FGD5: variants seen among roughly 807,000 people sequenced by gnomAD.
FGD5 encodes FYVE, RhoGEF and PH domain-containing protein 5.
Under a neutral mutation model 133.4 loss-of-function variants are expected in FGD5, and 28 were observed. The ratio of observed to expected loss-of-function variants is 0.21; its 90% CI spans 0.16 to 0.29. FGD5 has a LOEUF of 0.29. Among genes scored for constraint, FGD5 ranks in the 10% least tolerant of loss-of-function variants. The probability of loss-of-function intolerance (pLI) is 1.00; values close to 1 mark genes in which losing one functional copy is unlikely to be tolerated. For synonymous variants in FGD5, 810 were observed against 776.5 expected (o/e 1.04, Z -0.72); for missense variants, 1,858 against 1,895.2 (o/e 0.98, Z 0.36).
At chr3:14,857,822 T>G (rs929759482) in intron 1 of FGD5, among the ~76,000 whole-genome samples, 4 of 152,192 alleles carry the variant, frequency 2.6e-5, no homozygotes, top group African/African-American at 7.2e-5. Context: ...TAATATCTAA[T>G]GAGGACCTTC....
chr3:14,910,275 A>G (rs1406999366), intron 10 of FGD5, among the ~76,000 whole-genome samples: 1 of 152,170 alleles, frequency 6.6e-6, no homozygotes, highest in East Asian at 1.9e-4. Context: ...ATTAACCATC[A>G]CAAGTCCAAC....
chr3:14,878,506 A>G (rs2037762842), intron 2 of FGD5, among the ~76,000 whole-genome samples: 2 of 152,194 alleles, frequency 1.3e-5, no homozygotes, highest in Non-Finnish European at 2.9e-5. Flanking sequence ...AATGATGGCC[A>G]ATAATTCCAT....
intron 2 of FGD5, among the ~76,000 whole-genome samples, chr3:14,876,796 CGAA>C (rs2037728256): frequency 6.6e-6 from 1 of 152,176 alleles, no homozygotes; most frequent in Non-Finnish European, 1.5e-5. Context: ...CTGATGTCCT[CGAA>C]GGAGGCTGAG....
At chr3:14,897,234 C>T in intron 4 of FGD5, 1 of 408,702 alleles carries the variant, frequency 2.4e-6, no homozygotes, top group Non-Finnish European at 4.3e-6. Context: ...CACGTGGCCA[C>T]AACGAGAGGA....
chr3:14,896,022 A>G (rs937803167), intron 4 of FGD5, among the ~76,000 whole-genome samples: 1 of 152,228 alleles, frequency 6.6e-6, no homozygotes, highest in Non-Finnish European at 1.5e-5. Context: ...CAAGAAAGCA[A>G]TCCCATTTAT....
rs1334349435 is a variant in FGD5 at position 14,934,417 on chromosome 3, T to C, written c.*1250T>C. 1 of 152,136 alleles carries C rather than the reference T, an allele frequency of 6.6e-6. No homozygotes were observed. The highest frequency in any genetic ancestry group is 2.4e-5 in the African/African-American group (1 of 41,426). The allele number at this position is 152,136 out of a possible 1,614,324, so 9.4% of individuals were successfully genotyped here. On this transcript the variant is annotated 3_prime_UTR_variant, in exon 20 of 20. Transcript: ENST00000285046. Reference sequence around the variant, plus strand: ...CTGTCCCCATTCTGTTGCTGCCCTGTCCCCTACAAAAAAGGGAATTTGCTG... The same window carrying C: ...CTGTCCCCATTCTGTTGCTGCCCTGCCCCCTACAAAAAAGGGAATTTGCTG...
At chr3:14,875,218 C>T (rs1345196373) in intron 2 of FGD5, among the ~76,000 whole-genome samples, 1 of 152,214 alleles carries the variant, frequency 6.6e-6, no homozygotes, top group Non-Finnish European at 1.5e-5. Context: ...CTGGCCCCTT[C>T]ATTGGGACCC....
rs535449756 is a variant in FGD5 at position 14,821,258 on chromosome 3, G to T, written c.2187G>T (p.Lys729Asn). The T allele has an allele frequency of 1.2e-6, 2 of 1,613,924 alleles. No homozygotes were observed. The highest frequency in any genetic ancestry group is 2.2e-5 in the South Asian group (2 of 91,082). The stretch of plus-strand genomic sequence containing the variant: ...CCCTCATCTTTTATAGAGATGGCAA[G>T]AGGAAAGGTGTCCCCTTCAGCAGGA... ...PSSLIFYRDG[K>N]RKGVPFSRTV... Residue 729 changes from lysine (K) to asparagine (N), a missense_variant, in exon 1 of 20, where the codon AAG becomes AAT. By Grantham distance (94) the Lys-to-Asn change is moderately conservative. Coordinates refer to ENST00000285046, the MANE Select transcript of FGD5 (RefSeq NM_152536.4).
Position 14,922,452 on chromosome 3 carries a change from C to T in FGD5, c.3711C>T (p.Pro1237=). 3 of 1,571,602 alleles carry T rather than the reference C, an allele frequency of 1.9e-6. No homozygotes were observed. The South Asian group carries it at 3.5e-5, about 18-fold the overall frequency. Residue 1237 remains proline (P), a synonymous_variant, in exon 15 of 20, where the codon CCC becomes CCT. Transcript: ENST00000285046. The surrounding 1 kb of genome is among the most constrained non-coding windows in gnomAD (Gnocchi z 4.1). ...GGGTTAGCCTTGGGGAGAGGCCCCC[C>T]ACCCTGGTGCCTGTCACACACGTCA... The part of the protein sequence containing the change: ...RLGVSLGERP[P]TLVPVTHVMM...
rs564450884 is a variant in FGD5 at position 14,810,876 on chromosome 3, C to T, written c.13+11C>T. ...AGATGAACAGAGCAGGTAGGAGGCC[C>T]GGCGACCTCCGGCGCCGAGGCACGA... On this transcript the variant is annotated intron_variant, in intron 1 of 1. Coordinates refer to the FGD5 transcript ENST00000640506. The T allele has an allele frequency of 9.0e-3, 8,818 of 985,124 alleles. 48 individuals are homozygous for T. Among genetic ancestry groups the T allele is most frequent in the Non-Finnish European group, 1.0e-2 (8,259 of 829,830 alleles). 61.0% of individuals were successfully genotyped at this position (985,124 alleles called of 1,614,324 possible). A position where few individuals can be genotyped will look rare whatever the true frequency, so the allele number is the denominator to read the frequency against.
In FGD5 at chr3:14,933,052, T is replaced by C. The variant is rs559262086; in HGVS notation, c.4353-79T>C. The C allele has an allele frequency of 6.1e-6, 9 of 1,479,582 alleles. No individual in the cohort carries two copies. The South Asian group carries it at 1.1e-4, about 17-fold the overall frequency. The allele number at this position is 1,479,582 out of a possible 1,614,324, so 91.7% of individuals were successfully genotyped here. On this transcript the variant is annotated intron_variant, in intron 19 of 19. Transcript: ENST00000285046. ...CTTCAAACTAAGAGGAATCTACTAG[T>C]CCAGTCTTTTCTAGGTTCTGTGACC...
intron 9 of FGD5, among the ~76,000 whole-genome samples, chr3:14,906,441 G>C (rs961106820): frequency 6.6e-6 from 1 of 152,236 alleles, no homozygotes; most frequent in Non-Finnish European, 1.5e-5. Context: ...CCCTAGAGGA[G>C]CAGACCTTTG....
chr3:14,873,662 G>A (rs957066462), intron 2 of FGD5, among the ~76,000 whole-genome samples: 2 of 152,098 alleles, frequency 1.3e-5, no homozygotes, highest in Admixed American at 1.3e-4. Context: ...GAGCTGAAAG[G>A]AGCATTTAGA....
At position 14,901,030 on chromosome 3, in the gene FGD5, C is replaced by T. The variant is rs368736589; in HGVS notation, c.3233C>T (p.Thr1078Ile). The T allele has an allele frequency of 2.0e-4, 325 of 1,613,930 alleles. No individual in the cohort carries two copies. The highest frequency in any genetic ancestry group is 2.7e-4 in the Non-Finnish European group (313 of 1,179,894). The change falls in exon 9 of 20, where the codon ACA becomes ATA. Residue 1078 changes from threonine to isoleucine, a missense_variant. Around this residue, in one of 3 missense-constraint regions of FGD5, gnomAD observed 1,824 missense variants for 1,848.9 expected, o/e 0.99. Transcript: ENST00000285046. ...GCACTGAGCCTCATCTCCAAAGTCACAGACCGTGCCAACGACAGCATGGAG... is the reference window on the plus strand; with the variant it reads ...GCACTGAGCCTCATCTCCAAAGTCATAGACCGTGCCAACGACAGCATGGAG... ...QGALSLISKV[T>I]DRANDSMEQG...
chr3:14,933,013 G>T, intron 19 of FGD5, 118 bp from the exon 20 acceptor site: 1 of 1,216,356 alleles, frequency 8.2e-7, no homozygotes, highest in South Asian at 1.3e-5. Flanking sequence ...ATACAATTAC[G>T]ACATGGTCCT....
At chr3:14,864,490 T>C (rs1437698467) in intron 2 of FGD5, among the ~76,000 whole-genome samples, 1 of 152,206 alleles carries the variant, frequency 6.6e-6, no homozygotes, top group African/African-American at 2.4e-5. Flanking sequence ...CTCTGGAGTC[T>C]GATGAAGTTT....
At chr3:14,900,042 A>C (rs1347426193) in intron 7 of FGD5, among the ~76,000 whole-genome samples, 1 of 152,166 alleles carries the variant, frequency 6.6e-6, no homozygotes, top group Admixed American at 6.5e-5. Flanking sequence ...CCTGGAGAGT[A>C]TGAATGCACT....
chr3:14,811,249 C>G (rs1485283648), intron 1 of FGD5: 1 of 152,248 alleles, frequency 6.6e-6, no homozygotes, highest in African/African-American at 2.4e-5. Context: ...CCCAGCGTCC[C>G]GGACCGGTCC....
At chr3:14,905,187 T>C (rs1352932873) in intron 9 of FGD5, among the ~76,000 whole-genome samples, 1 of 152,162 alleles carries the variant, frequency 6.6e-6, no homozygotes, top group Non-Finnish European at 1.5e-5. Context: ...CAGTTTTTCT[T>C]TGCTGCCACT....
Sources: gnomAD v4.1 joint callset for allele counts (sites outside exome capture counted in the v4.1 genomes callset) on GRCh38, gnomAD v4.1.1 for gene constraint, gnomAD v4.1.1 regional missense constraint, Gnocchi (gnomAD v3.1) non-coding constraint, MANE v1.5 for transcripts, NCBI Gene and HGNC (gene_info 2026-07-23, HGNC 2026-07-21) for gene names.